NTM: variants seen among roughly 807,000 people sequenced by gnomAD.
NTM encodes the protein IgLON family member 2.
In NTM, 13 loss-of-function variants were observed where a neutral mutation model predicts 42.1. The observed-to-expected ratio is 0.31, with a 90% confidence interval of 0.20 to 0.49. The LOEUF is 0.49. Among genes scored for constraint, NTM ranks in the 20% least tolerant of loss-of-function variants. The probability of loss-of-function intolerance (pLI) is 0.99; values close to 1 mark genes in which losing one functional copy is unlikely to be tolerated. For synonymous variants in NTM, 187 were observed against 179.2 expected, an observed-to-expected ratio of 1.04 and a Z score of -0.35; for missense variants, 373 against 452.8, an observed-to-expected ratio of 0.82 and a Z score of 1.60.
In NTM at chr11:131,466,249, G is replaced by A. The variant is rs59630429; in HGVS notation, c.82+95361G>A. Among the ~76,000 whole-genome samples, 896 of 152,312 alleles carry A rather than the reference G, an allele frequency of 5.9e-3. 9 individuals carry two copies. Among genetic ancestry groups the A allele is most frequent in the African/African-American group, 0.021 (858 of 41,574 alleles). ...GAAGACGGAGAAGGAGATGTTAACC[G>A]AGAGATGAGCGGAGGAATTCAAGCT... On this transcript the variant is annotated intron_variant, in intron 1 of 8. Coordinates refer to ENST00000683400, the MANE Select transcript of NTM (RefSeq NM_001352005.2).
rs150527781 is a variant in NTM at position 132,090,982 on chromosome 11, G to A, written c.168-55300G>A. The stretch of plus-strand genomic sequence containing the variant: ...TTCTATTCCTCCCATTCTCTATAGC[G>A]GCTATTTCCAATTTTCTCCATTCCA... On this transcript the variant is annotated intron_variant, in intron 2 of 8. Coordinates refer to ENST00000683400, the MANE Select transcript of NTM (RefSeq NM_001352005.2). Among the ~76,000 whole-genome samples, 55 of 152,144 alleles carry A rather than the reference G, an allele frequency of 3.6e-4. 1 individual carries two copies. The East Asian group carries it at 4.8e-3, about 13-fold the overall frequency.
Position 132,042,956 on chromosome 11 carries a change from A to G in NTM, c.168-103326A>G, listed in dbSNP as rs182744494. 1.0e-3 allele frequency among the ~76,000 whole-genome samples: 157 copies of G among 152,308 alleles called. 1 individual carries two copies. Among genetic ancestry groups the G allele is most frequent in the African/African-American group, 3.4e-3 (141 of 41,580 alleles). The stretch of plus-strand genomic sequence containing the variant: ...TGCACAAAATAAATATTTTAGAGCC[A>G]TATTTCATTTTCTGAGCTTATTACT... On this transcript the variant is annotated intron_variant, in intron 2 of 8. Coordinates refer to ENST00000683400, the MANE Select transcript of NTM (RefSeq NM_001352005.2).
At chr11:131,944,359 A>G (rs976722415) in intron 2 of NTM, among the ~76,000 whole-genome samples, 33 of 152,340 alleles carry the variant, frequency 2.2e-4, no homozygotes, top group African/African-American at 7.5e-4. Flanking sequence ...TTGATGAACT[A>G]TATTTGGGAG....
At chr11:132,200,795 C>T (rs2081046413) in intron 3 of NTM, among the ~76,000 whole-genome samples, 1 of 152,024 alleles carries the variant, frequency 6.6e-6, no homozygotes, top group Non-Finnish European at 1.5e-5. Flanking sequence ...AGTGAGGCAG[C>T]CTAGGAGAGA....
chr11:131,545,880 G>C (rs1187975170), intron 1 of NTM, among the ~76,000 whole-genome samples: 1 of 152,124 alleles, frequency 6.6e-6, no homozygotes, highest in African/African-American at 2.4e-5. Flanking sequence ...TTGAATATCC[G>C]AGCATTATCT....
At chr11:131,744,967 A>G (rs2081626569) in intron 1 of NTM, among the ~76,000 whole-genome samples, 1 of 152,224 alleles carries the variant, frequency 6.6e-6, no homozygotes, top group Non-Finnish European at 1.5e-5. Context: ...AAATGCAAGC[A>G]CTTTGAGTGC....
intron 1 of NTM, among the ~76,000 whole-genome samples, chr11:131,513,159 C>T (rs1402063709): frequency 6.6e-6 from 1 of 152,238 alleles, no homozygotes; most frequent in Non-Finnish European, 1.5e-5. Flanking sequence ...TAAGCTGTGG[C>T]CCTTCCGTGG....
chr11:132,108,031 T>C (rs2062635791), intron 2 of NTM, among the ~76,000 whole-genome samples: 1 of 152,208 alleles, frequency 6.6e-6, no homozygotes, highest in African/African-American at 2.4e-5. Context: ...TCAAACCTTG[T>C]TAATGATGCC....
At chr11:131,626,789 C>T (rs374969968) in intron 1 of NTM, among the ~76,000 whole-genome samples, 35 of 152,304 alleles carry the variant, frequency 2.3e-4, no homozygotes, top group East Asian at 1.2e-3. Flanking sequence ...CCCAACAAAA[C>T]GATTGCCATC....
Position 131,408,767 on chromosome 11 carries a change from C to T in NTM, c.82+37879C>T, listed in dbSNP as rs114585863. On this transcript the variant is annotated intron_variant, in intron 1 of 8. Transcript: ENST00000683400. ...TTCTCGTATTCTCAGCTAAATCACTCCTGCCCTGCAGACATCACATCGGCA... is the reference window on the plus strand; with the variant it reads ...TTCTCGTATTCTCAGCTAAATCACTTCTGCCCTGCAGACATCACATCGGCA... Among the ~76,000 whole-genome samples, 1,404 of 152,334 alleles carry T rather than the reference C, an allele frequency of 9.2e-3. 14 individuals carry two copies. The highest frequency in any genetic ancestry group is 0.032 in the African/African-American group (1,327 of 41,580).
chr11:131,445,555 T>C (rs1415472335), intron 1 of NTM, among the ~76,000 whole-genome samples: 1 of 152,098 alleles, frequency 6.6e-6, no homozygotes, highest in African/African-American at 2.4e-5. Flanking sequence ...CTAACCAACT[T>C]TGAGGTCAGA....
At chr11:131,736,479 CTG>C (rs2135537166) in intron 1 of NTM, among the ~76,000 whole-genome samples, 2 of 152,324 alleles carry the variant, frequency 1.3e-5, no homozygotes, top group South Asian at 4.1e-4. Flanking sequence ...TTACAAAGCT[CTG>C]TGGTGCCCGG....
rs1024109496 is a variant in NTM, at chr11:131,428,695, G to A, written c.82+57807G>A. On this transcript the variant is annotated intron_variant, in intron 1 of 8. Transcript: ENST00000683400. ...CTCTTAGCACAATTTCTGACACATAGTAGAGCCTCAAAAAAACCTGGCCTG... is the reference window on the plus strand; with the variant it reads ...CTCTTAGCACAATTTCTGACACATAATAGAGCCTCAAAAAAACCTGGCCTG... 2.6e-5 allele frequency among the ~76,000 whole-genome samples: 4 copies of A among 152,004 alleles called. No homozygotes were observed. The South Asian group carries it at 8.3e-4, about 32-fold the overall frequency.
intron 2 of NTM, among the ~76,000 whole-genome samples, chr11:132,134,759 A>ATATC (rs2067551126): frequency 1.1e-5 from 1 of 94,398 alleles, no homozygotes; most frequent in Non-Finnish European, 2.1e-5. Flanking sequence ...ATATATATAT[A>ATATC]TCTCACATTT....
At chr11:131,766,249 C>A (rs1405150936) in intron 1 of NTM, among the ~76,000 whole-genome samples, 2 of 152,176 alleles carry the variant, frequency 1.3e-5, no homozygotes, top group Non-Finnish European at 2.9e-5. Context: ...GGAAGCAAAG[C>A]AGGTTGCATT....
chr11:131,919,093 G>A (rs2056850134), intron 2 of NTM, among the ~76,000 whole-genome samples: 1 of 147,304 alleles, frequency 6.8e-6, no homozygotes, highest in Admixed American at 6.9e-5. Context: ...GGGAACAAGA[G>A]GGACCAGCTC....
At chr11:131,991,914 A>G (rs1296333688) in intron 2 of NTM, among the ~76,000 whole-genome samples, 1 of 152,146 alleles carries the variant, frequency 6.6e-6, no homozygotes, top group Non-Finnish European at 1.5e-5. Context: ...TAAAGACAGA[A>G]GTCATATTTT....
intron 1 of NTM, among the ~76,000 whole-genome samples, chr11:131,688,571 G>GC: frequency 6.6e-6 from 1 of 152,316 alleles, no homozygotes; most frequent in Non-Finnish European, 1.5e-5. Flanking sequence ...TTCTCTGGCT[G>GC]CCCCCTCTGT....
intron 1 of NTM, among the ~76,000 whole-genome samples, chr11:131,849,482 A>T (rs563947083): frequency 6.6e-6 from 1 of 152,080 alleles, no homozygotes; most frequent in East Asian, 1.9e-4. Flanking sequence ...CACACTTTTA[A>T]AGGACCAGGT....
Sources: allele counts gnomAD v4.1 joint callset (sites outside exome capture counted in the v4.1 genomes callset), GRCh38; gene constraint gnomAD v4.1.1; transcripts MANE v1.5; gene names NCBI Gene and HGNC (gene_info 2026-07-23, HGNC 2026-07-21).